PBX1: variants seen among roughly 807,000 people sequenced by gnomAD.
The protein encoded by PBX1 is pre-B-cell leukemia transcription factor 1.
A neutral mutation model predicts 53.4 loss-of-function variants in PBX1; 6 were observed. The observed-to-expected ratio is 0.11, with a 90% CI of 0.06 to 0.22. The LOEUF (loss-of-function observed/expected upper bound fraction) is 0.22, where lower values mean the gene tolerates loss of function less well. Ranked by LOEUF, PBX1 falls within the 10% of genes least tolerant of loss-of-function variation. The pLI, the probability that PBX1 is intolerant of heterozygous loss-of-function variation, is 1.00. For missense variants in PBX1, 251 were observed against 551.4 expected (o/e 0.46, Z 5.46); for synonymous variants, 204 against 212.3 (o/e 0.96, Z 0.34).
chr1:164,635,603 C>T (rs1658718607), intron 2 of PBX1, among the ~76,000 whole-genome samples: 2 of 152,228 alleles, frequency 1.3e-5, no homozygotes, highest in Admixed American at 6.5e-5. Context: ...CGTCTCGCCA[C>T]GCTTTTCACC....
intron 2 of PBX1, among the ~76,000 whole-genome samples, chr1:164,681,467 A>C (rs1462378191): frequency 1.3e-5 from 2 of 152,220 alleles, no homozygotes; most frequent in Non-Finnish European, 1.5e-5. Context: ...TTGATATATT[A>C]AGATATTAAT....
At chr1:164,700,566 G>T (rs1030904327) in intron 2 of PBX1, 1 of 985,258 alleles carries the variant, frequency 1.0e-6, no homozygotes, top group Non-Finnish European at 1.2e-6. Flanking sequence ...TAGGTTGGGG[G>T]ACACGGGAGC....
At chr1:164,854,740 T>A (rs144439592), downstream of PBX1, among the ~76,000 whole-genome samples, 190 of 152,224 alleles carry the variant, frequency 1.2e-3, no homozygotes, top group East Asian at 5.8e-3. Context: ...ACCACATTCT[T>A]TGGAGAATCA....
At chr1:164,878,455 T>A (rs1053975696) in intron 2 of PBX1, among the ~76,000 whole-genome samples, 1 of 152,220 alleles carries the variant, frequency 6.6e-6, no homozygotes, top group African/African-American at 2.4e-5. Context: ...TAATGTGGCA[T>A]ATGAATTAGC....
At chr1:164,761,964 A>G (rs920943877) in intron 2 of PBX1, among the ~76,000 whole-genome samples, 8 of 152,132 alleles carry the variant, frequency 5.3e-5, no homozygotes, top group South Asian at 2.1e-4. Context: ...AACCAACTAT[A>G]TTCTCTAAGA....
intron 2 of PBX1, among the ~76,000 whole-genome samples, chr1:164,712,365 T>C (rs543111121): frequency 1.3e-5 from 2 of 152,248 alleles, no homozygotes; most frequent in African/African-American, 4.8e-5. Flanking sequence ...AACGGCTGTT[T>C]ATAACCTTGG....
At chr1:164,841,722 G>A (rs953941582) in intron 8 of PBX1, among the ~76,000 whole-genome samples, 3 of 152,120 alleles carry the variant, frequency 2.0e-5, no homozygotes, top group Admixed American at 6.5e-5. Flanking sequence ...TGTGACCTCT[G>A]CTGTGTGAGC....
chr1:164,799,021 A>C (rs1443802205), intron 3 of PBX1, among the ~76,000 whole-genome samples: 1 of 152,232 alleles, frequency 6.6e-6, no homozygotes, highest in Non-Finnish European at 1.5e-5. Flanking sequence ...TGAGCAAGGC[A>C]GAAAGCACAT....
chr1:164,793,062 G>A (rs1439182936), intron 3 of PBX1, among the ~76,000 whole-genome samples: 1 of 152,134 alleles, frequency 6.6e-6, no homozygotes, highest in Non-Finnish European at 1.5e-5. Flanking sequence ...TGATGTGCAG[G>A]CCTGGCTCTC....
At chr1:164,737,525 C>G (rs1665362409) in intron 2 of PBX1, among the ~76,000 whole-genome samples, 1 of 151,382 alleles carries the variant, frequency 6.6e-6, no homozygotes. Flanking sequence ...GTCACCCAGG[C>G]TGGAGTGCAG....
At chr1:164,725,411 C>T (rs992831706) in intron 2 of PBX1, among the ~76,000 whole-genome samples, 5 of 152,130 alleles carry the variant, frequency 3.3e-5, no homozygotes, top group African/African-American at 1.2e-4. Context: ...CAGTGGGATA[C>T]CTCCTTAGGA....
intron 5 of PBX1, among the ~76,000 whole-genome samples, chr1:164,811,655 G>C (rs987908090): frequency 1.3e-5 from 2 of 152,180 alleles, no homozygotes; most frequent in African/African-American, 4.8e-5. Flanking sequence ...GAAATGTTAG[G>C]TATATTTTAG....
intron 8 of PBX1, among the ~76,000 whole-genome samples, chr1:164,823,519 C>A (rs1319934221): frequency 6.9e-6 from 1 of 144,384 alleles, no homozygotes; most frequent in Non-Finnish European, 1.5e-5. Flanking sequence ...GTCCACATGA[C>A]TGGGCAGGAA....
intron 2 of PBX1, among the ~76,000 whole-genome samples, chr1:164,627,612 G>A (rs1658131090): frequency 6.6e-6 from 1 of 152,188 alleles, no homozygotes; most frequent in Non-Finnish European, 1.5e-5. Flanking sequence ...GGAAGCCAAT[G>A]TGATGGAGGA....
chr1:164,835,030 A>T (rs182688769), intron 8 of PBX1, among the ~76,000 whole-genome samples: 1 of 152,332 alleles, frequency 6.6e-6, no homozygotes, highest in Non-Finnish European at 1.5e-5. Flanking sequence ...CACTTTATGT[A>T]TAAGTGTGTT....
chr1:164,675,567 A>G (rs1232418911), intron 2 of PBX1, among the ~76,000 whole-genome samples: 2 of 152,104 alleles, frequency 1.3e-5, no homozygotes, highest in African/African-American at 2.4e-5. Context: ...TTTTTTCATC[A>G]GTAAGGGGCA....
chr1:164,689,266 T>C (rs1662314196), intron 2 of PBX1, among the ~76,000 whole-genome samples: 1 of 152,246 alleles, frequency 6.6e-6, no homozygotes, highest in African/African-American at 2.4e-5. Context: ...CTGTTAATTC[T>C]TGGCAAATAG....
intron 2 of PBX1, among the ~76,000 whole-genome samples, chr1:164,628,821 A>G (rs1015040155): frequency 1.1e-4 from 17 of 152,144 alleles, no homozygotes; most frequent in Admixed American, 7.9e-4. Context: ...CGAGTGAGCT[A>G]TACAGGTCTT....
chr1:164,804,804 T>C (rs1019628866), intron 4 of PBX1, among the ~76,000 whole-genome samples: 6 of 152,110 alleles, frequency 3.9e-5, no homozygotes, highest in Non-Finnish European at 7.3e-5. Context: ...CTCCAATCTT[T>C]GAATGAATGA....
Sources: gnomAD v4.1 joint callset for allele counts (sites outside exome capture counted in the v4.1 genomes callset) on GRCh38, gnomAD v4.1.1 for gene constraint, MANE v1.5 for transcripts, NCBI Gene and HGNC (gene_info 2026-07-23, HGNC 2026-07-21) for gene names.